HELZ: variants seen among roughly 807,000 people sequenced by gnomAD.
The protein encoded by HELZ is helicase with zinc finger.
In HELZ, 23 loss-of-function variants were observed where a neutral mutation model predicts 218.2. That is an observed-to-expected ratio of 0.11 (90% confidence interval 0.08 to 0.15). The LOEUF is 0.15. HELZ is among the 10% of genes least tolerant of loss of function. The pLI, the probability that HELZ is intolerant of heterozygous loss-of-function variation, is 1.00. For synonymous variants in HELZ, 814 were observed against 829.4 expected, an observed-to-expected ratio of 0.98 and a Z score of 0.32; for missense variants, 1,813 against 2,353.7, an observed-to-expected ratio of 0.77 and a Z score of 4.75.
chr17:67,148,510 GT>G, intron 20 of HELZ, 58 bp downstream of exon 20: 1 of 1,483,454 alleles, frequency 6.7e-7, no homozygotes, highest in Non-Finnish European at 9.2e-7. Flanking sequence ...GCTGTTTTGA[GT>G]TCCCTCCTAC....
At chr17:67,227,177 C>T (rs1567909576) in intron 3 of HELZ, among the ~76,000 whole-genome samples, 1 of 151,460 alleles carries the variant, frequency 6.6e-6, no homozygotes, top group Admixed American at 6.6e-5. Flanking sequence ...TAAAATATGA[C>T]CTAAATGTCA....
At chr17:67,171,823 T>C (rs2039319250) in intron 13 of HELZ, among the ~76,000 whole-genome samples, 1 of 147,850 alleles carries the variant, frequency 6.8e-6, no homozygotes, top group South Asian at 2.1e-4. Context: ...GTCCTCCTTC[T>C]TTTGTTTTGT....
At chr17:67,231,253 G>C (rs1376034391) in intron 3 of HELZ, among the ~76,000 whole-genome samples, 2 of 152,180 alleles carry the variant, frequency 1.3e-5, no homozygotes, top group African/African-American at 4.8e-5. Flanking sequence ...GTATTAGTGG[G>C]AAAACTGGTG....
At position 67,160,894 on chromosome 17, in the gene HELZ, C is replaced by T; in HGVS notation, c.2075+3G>A. The T allele has an allele frequency of 6.3e-7, 1 of 1,596,866 alleles. No homozygotes were observed. The highest frequency in any genetic ancestry group is 8.5e-7 in the Non-Finnish European group (1 of 1,171,036). The stretch of plus-strand genomic sequence containing the variant: ...AATATGAGCACGCTTCCCACCCTCT[C>T]ACCTAGTCTCCTGTTGCTGCAGAAT... On this transcript the variant is annotated splice_donor_region_variant and intron_variant, in intron 16 of 32. Transcript: ENST00000358691.
intron 31 of HELZ, among the ~76,000 whole-genome samples, chr17:67,092,545 C>G (rs1308554333): frequency 6.6e-6 from 1 of 152,142 alleles, no homozygotes; most frequent in Admixed American, 6.5e-5. Flanking sequence ...AGGAGACAGA[C>G]AAGCAAAAAT....
chr17:67,089,668 T>TATATATATATAGAGAGAG (rs71293575), intron 31 of HELZ, among the ~76,000 whole-genome samples: 18 of 70,628 alleles, frequency 2.5e-4, no homozygotes, highest in African/African-American at 6.0e-4. Flanking sequence ...TATATATATA[T>TATATATATATAGAGAGAG]AGAGAGAGAG....
intron 31 of HELZ, among the ~76,000 whole-genome samples, chr17:67,096,819 G>C (rs763946844): frequency 1.3e-5 from 2 of 152,158 alleles, no homozygotes; most frequent in Non-Finnish European, 2.9e-5. Flanking sequence ...CAGCCATAAG[G>C]CTGTTTCATT....
intron 14 of HELZ, 84 bp from the exon 15 acceptor site, chr17:67,166,692 C>T: frequency 8.8e-7 from 1 of 1,131,116 alleles, no homozygotes; most frequent in Non-Finnish European, 1.3e-6. Context: ...TGGGAGGAAT[C>T]TGTTTGGGAC....
chr17:67,173,455 G>C (rs895672889), intron 13 of HELZ, among the ~76,000 whole-genome samples: 3 of 151,968 alleles, frequency 2.0e-5, no homozygotes, highest in African/African-American at 7.3e-5. Flanking sequence ...ACAGCCAACT[G>C]AACACTCAAT....
intron 15 of HELZ, among the ~76,000 whole-genome samples, chr17:67,162,777 C>T (rs965214465): frequency 2.0e-5 from 3 of 150,730 alleles, no homozygotes; most frequent in Admixed American, 6.6e-5. Context: ...TCTTGCTCTT[C>T]ACTTCCTTCC....
At chr17:67,203,014 C>T (rs1327989564) in intron 6 of HELZ, among the ~76,000 whole-genome samples, 1 of 151,786 alleles carries the variant, frequency 6.6e-6, no homozygotes, top group African/African-American at 2.4e-5. Flanking sequence ...CCCAGCTACT[C>T]AGGAGGCTGA....
At position 67,188,475 on chromosome 17, in the gene HELZ, T is replaced by C; in HGVS notation, c.1006A>G (p.Lys336Glu). Residue 336 changes from lysine to glutamate, a missense_variant, in exon 12 of 33, where the codon AAG (lysine) becomes GAG (glutamate). This residue lies in a region of HELZ where 714 missense variants were observed against 1,029.2 expected (regional missense o/e 0.69). Transcript: ENST00000358691. The surrounding 1 kb of genome is among the most constrained non-coding windows in gnomAD (Gnocchi z 4.1). ...TGATCTAATCCATTTTGGGCCATCT[T>C]TCCTCCTATCCATTCTTGACAGTTT... ...PENCQEWIGG[K>E]MAQNGLDHYV... is the part of the protein sequence containing the mutation. 1 of 1,613,996 alleles carries C rather than the reference T, an allele frequency of 6.2e-7. No homozygotes were observed. The highest frequency in any genetic ancestry group is 8.5e-7 in the Non-Finnish European group (1 of 1,179,870).
chr17:67,152,784 A>AC (rs2038727404), intron 17 of HELZ, among the ~76,000 whole-genome samples: 1 of 151,064 alleles, frequency 6.6e-6, no homozygotes, highest in Admixed American at 6.6e-5. Context: ...AAAAAAAAAA[A>AC]ACAACTAGTG....
chr17:67,122,852 T>G (rs2143837814), intron 26 of HELZ, 118 bp downstream of exon 26: 1 of 655,910 alleles, frequency 1.5e-6, no homozygotes, highest in East Asian at 2.7e-5. Context: ...AAGAAGATTA[T>G]CAGCACTGAA....
At chr17:67,196,370 C>T (rs1001241912) in intron 7 of HELZ, among the ~76,000 whole-genome samples, 1 of 152,200 alleles carries the variant, frequency 6.6e-6, no homozygotes, top group Non-Finnish European at 1.5e-5. Flanking sequence ...AACAAAGCGC[C>T]AACCATAGCA....
chr17:67,152,099 T>C lies in HELZ; in HGVS notation c.2178-875A>G, dbSNP rs549101128. ...GTTTCTCTGGGCAGAACATATATGG[T>C]GGGGGTGGATAGCGGTGTGCTGGTA... is the stretch of plus-strand genomic sequence containing the variant. On this transcript the variant is annotated intron_variant, in intron 17 of 32. Transcript: ENST00000358691. 2.8e-4 allele frequency among the ~76,000 whole-genome samples: 42 copies of C among 152,136 alleles called. 1 individual carries two copies. The highest frequency in any genetic ancestry group is 9.4e-4 in the African/African-American group (39 of 41,514).
rs1598183996 is a variant in HELZ, at chr17:67,086,631, A to ATATATATAAAAATAAATATAAATATAT, written c.5494+197_5494+198insATATATTTATATTTATTTTTATATATA. On this transcript the variant is annotated intron_variant, in intron 32 of 32. Coordinates refer to ENST00000358691, the MANE Select transcript of HELZ (RefSeq NM_014877.4). ...ATATATATAAATAAATATAAATATA[A>ATATATATAAAAATAAATATAAATATAT]ATATATATATATATATATATATATA... Among the ~76,000 whole-genome samples the ATATATATAAAAATAAATATAAATATAT allele has an allele frequency of 2.4e-3, 226 of 93,250 alleles. 2 individuals carry two copies. Among genetic ancestry groups the ATATATATAAAAATAAATATAAATATAT allele is most frequent in the Non-Finnish European group, 4.1e-3 (203 of 49,160 alleles). The allele number at this position is 93,250 out of a possible 152,430, so 61.2% of individuals were successfully genotyped here.
At chr17:67,235,749 C>CTTTTTTTT (rs1216322685) in intron 3 of HELZ, among the ~76,000 whole-genome samples, 15 of 78,672 alleles carry the variant, frequency 1.9e-4, no homozygotes, top group Admixed American at 3.5e-4. Flanking sequence ...ACCACACACT[C>CTTTTTTTT]TTTTTTTTTT....
chr17:67,137,521 T>C (rs918765376), intron 22 of HELZ, among the ~76,000 whole-genome samples: 2 of 152,204 alleles, frequency 1.3e-5, no homozygotes, highest in East Asian at 3.8e-4. Context: ...ACAGATTTTA[T>C]AGCAATTAAT....
Sources: allele counts gnomAD v4.1 joint callset (sites outside exome capture counted in the v4.1 genomes callset), GRCh38; gene constraint gnomAD v4.1.1; regional missense constraint gnomAD v4.1.1; non-coding constraint Gnocchi (gnomAD v3.1); transcripts MANE v1.5; gene names NCBI Gene and HGNC (gene_info 2026-07-23, HGNC 2026-07-21).